The following TMEM131L variants were observed in gnomAD, a reference collection of about 807,000 sequenced individuals.
TMEM131L encodes transmembrane protein 131-like.
A neutral mutation model predicts 192.2 loss-of-function variants in TMEM131L; 54 were observed. That is an observed-to-expected ratio of 0.28 (90% CI 0.23 to 0.35). TMEM131L has a LOEUF of 0.35. Among genes scored for constraint, TMEM131L ranks in the 10% least tolerant of loss-of-function variants. The pLI is 1.00. For missense variants in TMEM131L, 1,888 were observed against 1,972.9 expected (o/e 0.96, Z 0.82); for synonymous variants, 701 against 704.9 (o/e 0.99, Z 0.09).
intron 19 of TMEM131L, among the ~76,000 whole-genome samples, chr4:153,594,988 A>G (rs531889851): frequency 1.3e-5 from 2 of 152,334 alleles, no homozygotes; most frequent in South Asian, 2.1e-4. Context: ...AAATCTAAAT[A>G]TTCTATTTAG....
In TMEM131L at chr4:153,555,770, T is replaced by C. The variant is rs1205050597; in HGVS notation, c.309-17T>C. 5 of 1,547,670 alleles carry C rather than the reference T, an allele frequency of 3.2e-6. No homozygotes were observed. Among genetic ancestry groups the C allele is most frequent in the Non-Finnish European group, 4.4e-6 (5 of 1,143,740 alleles). ...ACCACACAATACATTGATTTTTCTC[T>C]TTGTTTCTCCTCCTAGGTTCCTGGG... On this transcript the variant is annotated splice_polypyrimidine_tract_variant and intron_variant, in intron 4 of 34. Coordinates refer to ENST00000409959, the MANE Select transcript of TMEM131L (RefSeq NM_001131007.2). The surrounding 1 kb of genome is among the most constrained non-coding windows in gnomAD (Gnocchi z 4.1).
At chr4:153,586,721 G>C (rs547647941) in intron 14 of TMEM131L, among the ~76,000 whole-genome samples, 10 of 152,212 alleles carry the variant, frequency 6.6e-5, no homozygotes, top group Admixed American at 3.3e-4. Context: ...GTACATACTT[G>C]CAATGACTTA....
At chr4:153,481,764 C>T (rs1731957334) in intron 3 of TMEM131L, among the ~76,000 whole-genome samples, 1 of 152,132 alleles carries the variant, frequency 6.6e-6, no homozygotes, top group African/African-American at 2.4e-5. Flanking sequence ...TCTCGAACTC[C>T]TGGGCTCAAG....
intron 18 of TMEM131L, among the ~76,000 whole-genome samples, chr4:153,593,377 C>G (rs968132236): frequency 6.6e-6 from 1 of 152,128 alleles, no homozygotes; most frequent in African/African-American, 2.4e-5. Context: ...GCTTCTCCCA[C>G]TAGATGCCAG....
chr4:153,467,127 G>A (rs1384920125), intron 1 of TMEM131L, 84 bp from the exon 2 acceptor site: 1 of 1,310,480 alleles, frequency 7.6e-7, no homozygotes, highest in East Asian at 2.5e-5. Flanking sequence ...GTGAGGCGGG[G>A]GGCACGGAGG....
intron 24 of TMEM131L, 115 bp from the exon 25 acceptor site, chr4:153,603,687 A>G: frequency 8.3e-7 from 1 of 1,197,878 alleles, no homozygotes; most frequent in Non-Finnish European, 1.2e-6. Flanking sequence ...GAAGAAGGGA[A>G]GGTAAAACTT....
At chr4:153,547,185 A>C (rs1031678825) in intron 3 of TMEM131L, among the ~76,000 whole-genome samples, 1 of 152,230 alleles carries the variant, frequency 6.6e-6, no homozygotes, top group Non-Finnish European at 1.5e-5. Flanking sequence ...TTGGGATCAA[A>C]ATAGAGTTTT....
At chr4:153,583,709 T>C (rs750223385) in intron 11 of TMEM131L, 37 bp downstream of exon 11, 4 of 1,229,230 alleles carry the variant, frequency 3.3e-6, no homozygotes, top group Admixed American at 2.0e-5. Flanking sequence ...TTGACTTTTG[T>C]TATCTGGTTG....
At chr4:153,563,934 G>T (rs1729018098) in intron 7 of TMEM131L, among the ~76,000 whole-genome samples, 1 of 152,062 alleles carries the variant, frequency 6.6e-6, no homozygotes, top group South Asian at 2.1e-4. Context: ...AAGAGGTGGG[G>T]CCCTTGCGAG....
intron 3 of TMEM131L, among the ~76,000 whole-genome samples, chr4:153,537,035 G>A (rs1392115526): frequency 6.6e-6 from 1 of 152,168 alleles, no homozygotes; most frequent in Non-Finnish European, 1.5e-5. Context: ...TTAAGGGTGG[G>A]TCTGCCTTTC....
intron 7 of TMEM131L, among the ~76,000 whole-genome samples, chr4:153,561,736 A>C (rs892500108): frequency 6.6e-6 from 1 of 152,222 alleles, no homozygotes; most frequent in East Asian, 1.9e-4. Context: ...GAGTTTAGTT[A>C]AGTCACTTTC....
rs368914997 is a variant in TMEM131L, at chr4:153,627,754, T to C, written c.4207+67T>C. 13 of 1,374,790 alleles carry C rather than the reference T, an allele frequency of 9.5e-6. No homozygotes were observed. In the African/African-American group the frequency reaches 1.7e-4, roughly 18 times the overall value. The allele number at this position is 1,374,790 out of a possible 1,614,324, so 85.2% of individuals were successfully genotyped here. ...CTGTGCTGTCTGTATTCCTGGCTGA[T>C]GAGTTTGAGAAGACAGAGCAGGCGG... On this transcript the variant is annotated intron_variant, in intron 31 of 34. Coordinates refer to ENST00000409959, the MANE Select transcript of TMEM131L (RefSeq NM_001131007.2).
Position 153,622,990 on chromosome 4 carries a change from G to A in TMEM131L, c.3952G>A (p.Ala1318Thr). 6.2e-7 allele frequency: 1 copy of A among 1,614,204 alleles called. No individual in the cohort carries two copies. Among genetic ancestry groups the A allele is most frequent in the Non-Finnish European group, 8.5e-7 (1 of 1,180,028 alleles). Residue 1318 changes from alanine to threonine, a missense_variant, in exon 29 of 35, where the codon GCC becomes ACC. Physicochemically the swap from Ala to Thr is moderately conservative, Grantham distance 58. Transcript: ENST00000409959. ...DCGSSSGSVR[A>T]SRGSWGSWSS... Reference sequence around the variant, plus strand: ...TGGGAGCTCCTCTGGCAGCGTGCGTGCCAGCCGGGGCAGCTGGGGGAGCTG... The same window carrying A: ...TGGGAGCTCCTCTGGCAGCGTGCGTACCAGCCGGGGCAGCTGGGGGAGCTG...
intron 2 of TMEM131L, among the ~76,000 whole-genome samples, chr4:153,468,471 T>G (rs1730926188): frequency 6.6e-6 from 1 of 152,162 alleles, no homozygotes; most frequent in Admixed American, 6.5e-5. Context: ...TATACATGTG[T>G]TTTTGAAGGT....
At chr4:153,620,657 G>A (rs776767383) in intron 26 of TMEM131L, 99 bp from the exon 27 acceptor site, 4 of 702,354 alleles carry the variant, frequency 5.7e-6, no homozygotes, top group Non-Finnish European at 8.9e-6. Context: ...AACAGCACTG[G>A]GACATTCTGA....
chr4:153,601,393 G>A (rs1318414876), intron 21 of TMEM131L, among the ~76,000 whole-genome samples: 6 of 152,010 alleles, frequency 3.9e-5, no homozygotes, highest in Non-Finnish European at 8.8e-5. Context: ...TGGCTGTGGT[G>A]GAGTGTGCCT....
chr4:153,584,725 T>C, intron 11 of TMEM131L, 110 bp from the exon 12 acceptor site: 1 of 633,008 alleles, frequency 1.6e-6, no homozygotes, highest in Non-Finnish European at 2.6e-6. Context: ...ACTATTTTAA[T>C]GGAGACAGAA....
In TMEM131L at chr4:153,604,204, A is replaced by G. The variant is rs1732052740; in HGVS notation, c.3192A>G (p.Thr1064=). Residue 1064 remains threonine, a synonymous_variant, in exon 25 of 35, where the codon ACA becomes ACG. Coordinates refer to ENST00000409959, the MANE Select transcript of TMEM131L (RefSeq NM_001131007.2). ...LNKEENTLKN[T]IVFSNPSSEC... ...AAGAAGAAAACACACTGAAAAACAC[A>G]ATTGTTTTCAGTAATCCTTCTTCAG... The G allele has an allele frequency of 1.9e-6, 3 of 1,614,052 alleles. No individual in the cohort carries two copies. Among genetic ancestry groups the G allele is most frequent in the Non-Finnish European group, 2.5e-6 (3 of 1,179,922 alleles).
At chr4:153,512,232 T>A (rs943882426) in intron 3 of TMEM131L, among the ~76,000 whole-genome samples, 2 of 152,244 alleles carry the variant, frequency 1.3e-5, no homozygotes, top group Non-Finnish European at 2.9e-5. Context: ...CCAGAAATTA[T>A]ATTCTTTGCA....
Sources: gnomAD v4.1 joint callset for allele counts (sites outside exome capture counted in the v4.1 genomes callset) on GRCh38, gnomAD v4.1.1 for gene constraint, Gnocchi (gnomAD v3.1) non-coding constraint, MANE v1.5 for transcripts, NCBI Gene and HGNC (gene_info 2026-07-23, HGNC 2026-07-21) for gene names.